Variants in IL1RAPL1 observed in about 807,000 individuals in gnomAD.
IL1RAPL1 encodes interleukin 1 receptor accessory protein like 1.
Under a neutral mutation model 48.4 loss-of-function variants are expected in IL1RAPL1, and 3 were observed. The observed-to-expected ratio is 0.06, with a 90% CI of 0.03 to 0.16. The LOEUF (loss-of-function observed/expected upper bound fraction) is 0.16, where lower values mean the gene tolerates loss of function less well. IL1RAPL1 is among the 10% of genes least tolerant of loss of function. The pLI, the probability that IL1RAPL1 is intolerant of heterozygous loss-of-function variation, is 1.00. For synonymous variants in IL1RAPL1, 185 were observed against 187.7 expected (o/e 0.99, Z 0.12); for missense variants, 349 against 530.6 (o/e 0.66, Z 3.36).
At chrX:29,009,072 T>C (rs1926060205) in intron 2 of IL1RAPL1, among the ~76,000 whole-genome samples, 1 of 111,735 alleles carries the variant, frequency 8.9e-6, no homozygotes, top group Admixed American at 9.4e-5. Context: ...TGGAAGCCAT[T>C]AGCCAAAGCA....
chrX:29,265,823 A>G (rs917471743), intron 2 of IL1RAPL1, among the ~76,000 whole-genome samples: 1 of 109,905 alleles, frequency 9.1e-6, no homozygotes, highest in Admixed American at 9.8e-5. Flanking sequence ...ATGGCTGCAC[A>G]GTATTCCATG....
chrX:28,824,506 T>C (rs1034416073), intron 2 of IL1RAPL1, among the ~76,000 whole-genome samples: 1 of 111,171 alleles, frequency 9.0e-6, no homozygotes, highest in African/African-American at 3.3e-5. Context: ...AATTTTGTTA[T>C]TGTATCTGGC....
chrX:28,946,268 C>T (rs1244018123), intron 2 of IL1RAPL1, among the ~76,000 whole-genome samples: 2 of 110,508 alleles, frequency 1.8e-5, no homozygotes, highest in African/African-American at 3.3e-5. Context: ...ACAATAACTT[C>T]AATCATTTAT....
chrX:29,340,936 A>G (rs1329143068), intron 3 of IL1RAPL1, among the ~76,000 whole-genome samples: 2 of 111,949 alleles, frequency 1.8e-5, no homozygotes, highest in African/African-American at 6.5e-5. Context: ...AGATTTTACT[A>G]TGCATTAGAA....
intron 2 of IL1RAPL1, chrX:28,942,202 G>A (rs1924179936): frequency 9.1e-6 from 1 of 109,427 alleles, no homozygotes; most frequent in Non-Finnish European, 1.9e-5. Context: ...ATTTTGAGAG[G>A]AATTTTCTAG....
At chrX:29,642,818 C>A (rs1925207947) in intron 5 of IL1RAPL1, among the ~76,000 whole-genome samples, 1 of 112,222 alleles carries the variant, frequency 8.9e-6, no homozygotes, top group African/African-American at 3.2e-5. Flanking sequence ...TTAGTCTAGT[C>A]CAGTACTGCC....
At chrX:29,197,652 TA>T (rs1402181626) in intron 2 of IL1RAPL1, among the ~76,000 whole-genome samples, 1 of 111,724 alleles carries the variant, frequency 9.0e-6, no homozygotes, top group Non-Finnish European at 1.9e-5. Flanking sequence ...ATTATAAGTT[TA>T]CTGGGTATCA....
At chrX:29,066,670 A>G (rs1927456641) in intron 2 of IL1RAPL1, among the ~76,000 whole-genome samples, 1 of 111,847 alleles carries the variant, frequency 8.9e-6, no homozygotes, top group Admixed American at 9.5e-5. Flanking sequence ...GAACAAGATA[A>G]GGTGAGGGCA....
chrX:28,683,619 C>T, intron 1 of IL1RAPL1, among the ~76,000 whole-genome samples: 1 of 112,015 alleles, frequency 8.9e-6, no homozygotes, highest in Non-Finnish European at 1.9e-5. Flanking sequence ...TTATTACATA[C>T]TTAGTGGCTT....
At chrX:28,987,208 A>G (rs1925496735) in intron 2 of IL1RAPL1, among the ~76,000 whole-genome samples, 1 of 112,287 alleles carries the variant, frequency 8.9e-6, no homozygotes, top group African/African-American at 3.2e-5. Context: ...AGCAAAGTCA[A>G]TTTAACAGTA....
chrX:28,788,334 C>T (rs755332684), intron 1 of IL1RAPL1, among the ~76,000 whole-genome samples: 19 of 111,743 alleles, frequency 1.7e-4, no homozygotes, highest in Middle Eastern at 4.7e-3. Context: ...AGACAATGTT[C>T]GTTTATTTAA....
At chrX:29,295,244 A>G (rs1270299214) in intron 3 of IL1RAPL1, among the ~76,000 whole-genome samples, 3 of 112,176 alleles carry the variant, frequency 2.7e-5, no homozygotes, top group African/African-American at 9.7e-5. Flanking sequence ...ATGCTTTTCA[A>G]TACAAACCTA....
intron 2 of IL1RAPL1, among the ~76,000 whole-genome samples, chrX:29,116,751 A>G (rs1210926376): frequency 2.7e-5 from 3 of 111,256 alleles, no homozygotes; most frequent in East Asian, 2.8e-4. Context: ...GTGGAGAAAA[A>G]TATCGAAGAG....
chrX:29,140,240 CCT>C (rs1929218267), intron 2 of IL1RAPL1, among the ~76,000 whole-genome samples: 1 of 111,898 alleles, frequency 8.9e-6, no homozygotes. Flanking sequence ...GACCCAAACA[CCT>C]CTCACTAGGC....
intron 2 of IL1RAPL1, among the ~76,000 whole-genome samples, chrX:29,070,760 A>C (rs1007359767): frequency 2.7e-5 from 3 of 111,746 alleles, no homozygotes; most frequent in Non-Finnish European, 3.8e-5. Flanking sequence ...ATAGTCTGGC[A>C]AAAAAAGGTT....
chrX:28,964,488 A>G (rs1046958985), intron 2 of IL1RAPL1, among the ~76,000 whole-genome samples: 8 of 111,779 alleles, frequency 7.2e-5, no homozygotes, highest in African/African-American at 2.6e-4. Context: ...ATTAAGATGC[A>G]TGATATGGTG....
At chrX:28,865,719 A>G (rs1922062367) in intron 2 of IL1RAPL1, among the ~76,000 whole-genome samples, 1 of 112,154 alleles carries the variant, frequency 8.9e-6, no homozygotes, top group South Asian at 3.7e-4. Flanking sequence ...AGAAGAGATG[A>G]ACCTTCACAG....
chrX:28,630,249 C>T (rs748904368), intron 1 of IL1RAPL1, among the ~76,000 whole-genome samples: 33 of 110,807 alleles, frequency 3.0e-4, no homozygotes, highest in Non-Finnish European at 6.2e-4. Flanking sequence ...TTTCAATTTT[C>T]CCTAGCTTTC....
chrX:29,703,492 G>C (rs755668636), intron 6 of IL1RAPL1, among the ~76,000 whole-genome samples: 1 of 110,236 alleles, frequency 9.1e-6, no homozygotes, highest in Admixed American at 9.6e-5. Flanking sequence ...ACAGGCGCCC[G>C]CCACCACGCC....
Sources: allele counts gnomAD v4.1 joint callset (sites outside exome capture counted in the v4.1 genomes callset), GRCh38; gene constraint gnomAD v4.1.1; transcripts MANE v1.5; gene names NCBI Gene and HGNC (gene_info 2026-07-23, HGNC 2026-07-21).